REC114: variants seen among roughly 807,000 people sequenced by gnomAD.
REC114 encodes the protein meiotic recombination protein REC114.
A neutral mutation model predicts 31.3 loss-of-function variants in REC114; 27 were observed. That is an observed-to-expected ratio of 0.86 (90% CI 0.64 to 1.19). The LOEUF (loss-of-function observed/expected upper bound fraction) is 1.19. REC114 is among the 50% of genes most tolerant of loss of function. The probability of loss-of-function intolerance (pLI) is 0.00; values close to 1 mark genes in which losing one functional copy is unlikely to be tolerated. For missense variants in REC114, 344 were observed against 326.9 expected (o/e 1.05, Z -0.40); for synonymous variants, 134 against 127.7 (o/e 1.05, Z -0.33).
rs1209960969 is a variant in REC114 at position 73,559,843 on chromosome 15, T to C, written c.728T>C (p.Met243Thr). The change falls in exon 6 of 6, where the codon ATG becomes ACG. Residue 243 changes from methionine to threonine, a missense_variant. Transcript: ENST00000331090. ...ELGPFLRLCL[M>T]DQNFPAFVEE... Reference sequence around the variant, plus strand: ...GGCCCCTTCCTACGTTTGTGCCTTATGGATCAGAATTTCCCAGCATTTGTG... The same window carrying C: ...GGCCCCTTCCTACGTTTGTGCCTTACGGATCAGAATTTCCCAGCATTTGTG... The C allele has an allele frequency of 1.9e-6, 3 of 1,612,666 alleles. No individual in the cohort carries two copies. Among genetic ancestry groups the C allele is most frequent in the Non-Finnish European group, 2.5e-6 (3 of 1,179,512 alleles).
chr15:73,536,005 C>T (rs1442480477), intron 2 of REC114, among the ~76,000 whole-genome samples: 1 of 149,498 alleles, frequency 6.7e-6, no homozygotes, highest in Non-Finnish European at 1.5e-5. Context: ...CCCTTCCTTA[C>T]ACCTTATACA....
At chr15:73,528,072 A>C (rs1039318016) in intron 2 of REC114, among the ~76,000 whole-genome samples, 15 of 152,024 alleles carry the variant, frequency 9.9e-5, no homozygotes, top group Non-Finnish European at 1.8e-4. Context: ...TTAAAAAAAA[A>C]CCCTCATTGT....
intron 2 of REC114, among the ~76,000 whole-genome samples, chr15:73,484,577 A>G (rs1049475098): frequency 3.3e-5 from 5 of 152,182 alleles, no homozygotes; most frequent in African/African-American, 1.2e-4. Flanking sequence ...CTAAAGATCT[A>G]CCTTTTGTCA....
intron 2 of REC114, among the ~76,000 whole-genome samples, chr15:73,513,111 T>A (rs1405572852): frequency 4.1e-5 from 6 of 146,104 alleles, no homozygotes; most frequent in Non-Finnish European, 1.5e-5. Context: ...TCTTTTCACA[T>A]AGTCCCATAT....
chr15:73,487,327 C>T (rs900742939), intron 2 of REC114, among the ~76,000 whole-genome samples: 2 of 152,178 alleles, frequency 1.3e-5, no homozygotes, highest in African/African-American at 2.4e-5. Context: ...ATCTCTAAAT[C>T]AGATGTGGGT....
At chr15:73,500,825 C>T (rs193194524) in intron 2 of REC114, among the ~76,000 whole-genome samples, 37 of 150,860 alleles carry the variant, frequency 2.5e-4, no homozygotes, top group Admixed American at 1.7e-3. Flanking sequence ...ACTCCCTCCT[C>T]TGAACTCTGA....
At chr15:73,511,394 G>A (rs1430508359) in intron 2 of REC114, among the ~76,000 whole-genome samples, 1 of 151,864 alleles carries the variant, frequency 6.6e-6, no homozygotes, top group Admixed American at 6.6e-5. Flanking sequence ...CAAAAAACCA[G>A]CTCCTGGATT....
rs186175409 is a variant in REC114 at position 73,503,505 on chromosome 15, T to G, written c.249+29584T>G. Among the ~76,000 whole-genome samples, 216 of 152,304 alleles carry G rather than the reference T, an allele frequency of 1.4e-3. 1 individual carries two copies. Among genetic ancestry groups the G allele is most frequent in the Admixed American group, 0.012 (188 of 15,292 alleles). ...CTTCAAAATTATCTGGCAGTAGAGA[T>G]AGGGATAAAATAAGATTGATCATGA... On this transcript the variant is annotated intron_variant, in intron 2 of 5. Coordinates refer to ENST00000331090, the MANE Select transcript of REC114 (RefSeq NM_001042367.2).
At chr15:73,544,777 G>C (rs1894286165) in intron 3 of REC114, among the ~76,000 whole-genome samples, 1 of 152,310 alleles carries the variant, frequency 6.6e-6, no homozygotes, top group Non-Finnish European at 1.5e-5. Context: ...ACCTTTTTCT[G>C]TACTTCCACA....
intron 2 of REC114, among the ~76,000 whole-genome samples, chr15:73,525,060 A>G (rs1030891281): frequency 1.3e-5 from 2 of 152,242 alleles, no homozygotes; most frequent in African/African-American, 4.8e-5. Flanking sequence ...TGGTCCAGTC[A>G]GAGGAGATGT....
intron 2 of REC114, among the ~76,000 whole-genome samples, chr15:73,507,773 CAAATT>C (rs1407988497): frequency 3.3e-5 from 5 of 152,046 alleles, no homozygotes; most frequent in African/African-American, 1.2e-4. Flanking sequence ...AGAGCTCACA[CAAATT>C]AAAAGCAGCA....
At chr15:73,463,505 T>G (rs11504680) in intron 1 of REC114, among the ~76,000 whole-genome samples, 4 of 152,114 alleles carry the variant, frequency 2.6e-5, no homozygotes, top group African/African-American at 9.7e-5. Flanking sequence ...ATTCTTGATG[T>G]TTTCTCTTCA....
Position 73,550,995 on chromosome 15 carries a change from G to C in REC114, c.391G>C (p.Glu131Gln). 3 of 1,613,884 alleles carry C rather than the reference G, an allele frequency of 1.9e-6. No homozygotes were observed. The highest frequency in any genetic ancestry group is 2.5e-6 in the Non-Finnish European group (3 of 1,179,846). ...TGGAGAGTCAAAGGAGCAGGCGCTGGAACACTGCTGCAGTTGTGTTCAGAA... is the reference window on the plus strand; with the variant it reads ...TGGAGAGTCAAAGGAGCAGGCGCTGCAACACTGCTGCAGTTGTGTTCAGAA... The part of the protein sequence containing the change: ...FSGESKEQAL[E>Q]HCCSCVQKLA... The change falls in exon 4 of 6, where the codon GAA (glutamate) becomes CAA (glutamine). Residue 131 changes from glutamate (E) to glutamine (Q), a missense_variant. By Grantham distance (29) the Glu-to-Gln change is conservative (BLOSUM62 2). Coordinates refer to ENST00000331090, the MANE Select transcript of REC114 (RefSeq NM_001042367.2).
intron 2 of REC114, among the ~76,000 whole-genome samples, chr15:73,514,410 C>G (rs962919108): frequency 6.6e-6 from 1 of 152,104 alleles, no homozygotes; most frequent in Middle Eastern, 3.4e-3. Context: ...TCTTCTGCGT[C>G]GCTCACGCTG....
Position 73,443,264 on chromosome 15 carries a change from G to A in REC114, c.79G>A (p.Ala27Thr), listed in dbSNP as rs745516975. Residue 27 changes from alanine to threonine, a missense_variant, in exon 1 of 6, where the codon GCC (alanine) becomes ACC (threonine). Physicochemically the swap from Ala to Thr is moderately conservative, Grantham distance 58. Transcript: ENST00000331090. Reference sequence around the variant, plus strand: ...GGCAGAGTGGCCTCTGCAGCGGTACGCCCGCTGCATACCCTCAAACACCAG... The same window carrying A: ...GGCAGAGTGGCCTCTGCAGCGGTACACCCGCTGCATACCCTCAAACACCAG... ...EAAEWPLQRY[A>T]RCIPSNTRDP... is the part of the protein sequence containing the mutation. 3.8e-6 allele frequency: 6 copies of A among 1,574,966 alleles called. No individual in the cohort carries two copies. The East Asian group carries it at 7.1e-5, about 19-fold the overall frequency.
chr15:73,444,547 C>T (rs1892741768), intron 1 of REC114, among the ~76,000 whole-genome samples: 1 of 152,248 alleles, frequency 6.6e-6, no homozygotes, highest in African/African-American at 2.4e-5. Flanking sequence ...CATCTTCAGG[C>T]TTCACTTCCA....
At chr15:73,532,231 G>C (rs902692208) in intron 2 of REC114, among the ~76,000 whole-genome samples, 1 of 150,614 alleles carries the variant, frequency 6.6e-6, no homozygotes, top group African/African-American at 2.4e-5. Flanking sequence ...GAGAATATGC[G>C]GTGTTTGGTT....
At chr15:73,541,009 A>ATTAATATT (rs1324768363) in intron 3 of REC114, among the ~76,000 whole-genome samples, 33 of 152,248 alleles carry the variant, frequency 2.2e-4, no homozygotes, top group Admixed American at 1.9e-3. Context: ...TCATCAAAGA[A>ATTAATATT]ACAGTCATAT....
At chr15:73,532,267 G>T (rs1298004976) in intron 2 of REC114, among the ~76,000 whole-genome samples, 31 of 147,962 alleles carry the variant, frequency 2.1e-4, no homozygotes, top group African/African-American at 6.7e-4. Context: ...AGTTTACTGA[G>T]AATGATGATT....
Sources: allele counts gnomAD v4.1 joint callset (sites outside exome capture counted in the v4.1 genomes callset), GRCh38; gene constraint gnomAD v4.1.1; transcripts MANE v1.5; gene names NCBI Gene and HGNC (gene_info 2026-07-23, HGNC 2026-07-21).